The following BCR variants were observed in gnomAD, a reference collection of about 807,000 sequenced individuals.
BCR encodes breakpoint cluster region protein.
Under a neutral mutation model 138.6 loss-of-function variants are expected in BCR, and 58 were observed. That is an observed-to-expected ratio of 0.42 (90% CI 0.34 to 0.52). BCR has a LOEUF of 0.52. BCR is among the 20% of genes least tolerant of loss of function. The pLI, the probability that BCR is intolerant of heterozygous loss-of-function variation, is 0.06. For missense variants in BCR, 1,599 were observed against 1,727.2 expected (o/e 0.93, Z 1.32); for synonymous variants, 786 against 730.1 (o/e 1.08, Z -1.23).
chr22:23,284,321 C>T (rs561585468), intron 9 of BCR, among the ~76,000 whole-genome samples: 3 of 152,164 alleles, frequency 2.0e-5, no homozygotes, highest in East Asian at 1.9e-4. Context: ...GGGGTAAACC[C>T]GACCGTGGCT....
intron 15 of BCR, among the ~76,000 whole-genome samples, chr22:23,294,488 C>T (rs898545550): frequency 1.3e-5 from 2 of 152,178 alleles, no homozygotes; most frequent in Non-Finnish European, 2.9e-5. Flanking sequence ...GCAGCCTCCG[C>T]CTCCCGGATT....
chr22:23,223,375 TG>T (rs2072850507), intron 1 of BCR, among the ~76,000 whole-genome samples: 1 of 152,194 alleles, frequency 6.6e-6, no homozygotes, highest in Non-Finnish European at 1.5e-5. Flanking sequence ...CATGTGCCTG[TG>T]TGTGGCCCAT....
chr22:23,221,964 G>A (rs1363135942), intron 1 of BCR, among the ~76,000 whole-genome samples: 2 of 151,266 alleles, frequency 1.3e-5, no homozygotes, highest in Non-Finnish European at 2.9e-5. Flanking sequence ...GGTGGCAGGC[G>A]CCTGTAATTC....
chr22:23,212,962 G>A (rs924660892), intron 1 of BCR, among the ~76,000 whole-genome samples: 9 of 152,176 alleles, frequency 5.9e-5, no homozygotes, highest in African/African-American at 2.2e-4. Context: ...TTGATTCCTG[G>A]GAGGCTGCCG....
chr22:23,238,481 C>G (rs554475517), intron 1 of BCR, among the ~76,000 whole-genome samples: 74 of 152,074 alleles, frequency 4.9e-4, no homozygotes, highest in Non-Finnish European at 9.4e-4. Context: ...GTTCAGCCCC[C>G]CAGGATACCT....
chr22:23,196,903 C>T (rs901841125), intron 1 of BCR, among the ~76,000 whole-genome samples: 1 of 152,228 alleles, frequency 6.6e-6, no homozygotes, highest in Admixed American at 6.5e-5. Flanking sequence ...AGGCCACGGA[C>T]TGATACCAGT....
intron 1 of BCR, among the ~76,000 whole-genome samples, chr22:23,200,730 T>A (rs111707588): frequency 0.012 from 1,768 of 151,952 alleles, 34 homozygotes; most frequent in African/African-American, 0.041. Flanking sequence ...AGCTAATTTT[T>A]GTATTTTTTT....
intron 8 of BCR, chr22:23,283,173 CAGCCCCTTG>C (rs1323384696): frequency 2.6e-5 from 4 of 152,338 alleles, no homozygotes; most frequent in Non-Finnish European, 5.9e-5. Flanking sequence ...GCCCATTCAG[CAGCCCCTTG>C]AGCAAGAAGG....
rs765337010 is a variant in BCR at position 23,181,778 on chromosome 22, C to A, written c.818C>A (p.Pro273His). ...ANGGSRPPWP[P>H]LEYQPYQSIY... ...GGCGGTAGCAGGCCCCCTTGGCCGC[C>A]CCTGGAGTACCAGCCCTACCAGAGC... Residue 273 changes from proline (P) to histidine (H), a missense_variant, in exon 1 of 23, where the codon CCC (proline) becomes CAC (histidine). Pro to His is a moderately conservative substitution (Grantham distance 77). Around this residue, in one of 4 missense-constraint regions of BCR, gnomAD observed 806 missense variants for 635.0 expected, o/e 1.27. Transcript: ENST00000305877. The A allele has an allele frequency of 2.5e-6, 4 of 1,607,400 alleles. No individual in the cohort carries two copies. The South Asian group carries it at 4.4e-5, about 18-fold the overall frequency.
intron 1 of BCR, among the ~76,000 whole-genome samples, chr22:23,190,030 C>G (rs960231610): frequency 2.0e-5 from 3 of 152,186 alleles, no homozygotes; most frequent in Non-Finnish European, 4.4e-5. Flanking sequence ...TGCCAAAAGT[C>G]CAAGATCAAG....
intron 5 of BCR, among the ~76,000 whole-genome samples, chr22:23,270,729 T>G (rs2073500707): frequency 6.6e-6 from 1 of 152,252 alleles, no homozygotes; most frequent in Non-Finnish European, 1.5e-5. Context: ...ATGCTTTTGT[T>G]CAGAAGCTTA....
rs114564269 is a variant in BCR at position 23,287,797 on chromosome 22, G to A, written c.2527-300G>A. 9.8e-3 allele frequency among the ~76,000 whole-genome samples: 1,488 copies of A among 152,304 alleles called. 28 individuals carry two copies. Among genetic ancestry groups the A allele is most frequent in the African/African-American group, 0.034 (1,413 of 41,550 alleles). ...TGCAGGAGGTCAGGTCTGGATCAAC[G>A]TTCACCTCTGCAGATCCCACCTGGT... On this transcript the variant is annotated intron_variant, in intron 11 of 22. Transcript: ENST00000305877.
rs146511454 is a variant in BCR, at chr22:23,297,398, C to T, written c.3012+2243C>T. Among the ~76,000 whole-genome samples the T allele has an allele frequency of 2.7e-3, 406 of 151,948 alleles. 2 individuals are homozygous for T. The highest frequency in any genetic ancestry group is 4.2e-3 in the Admixed American group (64 of 15,260). Reference sequence around the variant, plus strand: ...GCCTGGCCACATGTGCTTTCCCATTCGGTCCTTGCAGCAGATCTTTGAGAG... The same window carrying T: ...GCCTGGCCACATGTGCTTTCCCATTTGGTCCTTGCAGCAGATCTTTGAGAG... On this transcript the variant is annotated intron_variant, in intron 16 of 22. Coordinates refer to ENST00000305877, the MANE Select transcript of BCR (RefSeq NM_004327.4).
chr22:23,265,997 G>C (rs1433187087), intron 4 of BCR, among the ~76,000 whole-genome samples: 1 of 152,040 alleles, frequency 6.6e-6, no homozygotes, highest in African/African-American at 2.4e-5. Flanking sequence ...TTAAGATCAT[G>C]TTATGTACTT....
intron 2 of BCR, among the ~76,000 whole-genome samples, chr22:23,260,269 A>G (rs2073342064): frequency 6.6e-6 from 1 of 152,212 alleles, no homozygotes; most frequent in Admixed American, 6.5e-5. Context: ...GCTAATGAGA[A>G]GGGGGGACTT....
chr22:23,284,924 G>A (rs2146300759), intron 9 of BCR, 109 bp from the exon 10 acceptor site: 1 of 1,285,896 alleles, frequency 7.8e-7, no homozygotes, highest in African/African-American at 1.5e-5. Context: ...TTTTAGGTCA[G>A]GTAAACCATG....
intron 1 of BCR, among the ~76,000 whole-genome samples, chr22:23,196,608 G>C (rs1000264369): frequency 6.6e-6 from 1 of 152,162 alleles, no homozygotes; most frequent in Non-Finnish European, 1.5e-5. Flanking sequence ...TTTCATGGAA[G>C]AAATTTTTCC....
chr22:23,314,452 G>A (rs1327396049), intron 21 of BCR, 100 bp from the exon 22 acceptor site: 15 of 1,373,502 alleles, frequency 1.1e-5, no homozygotes, highest in Admixed American at 5.7e-5. Flanking sequence ...AGCCAGGGTC[G>A]AGGTCACTCC....
At chr22:23,285,863 C>T (rs1602104812) in intron 10 of BCR, among the ~76,000 whole-genome samples, 2 of 152,332 alleles carry the variant, frequency 1.3e-5, no homozygotes, top group East Asian at 3.9e-4. Context: ...GGTGTGATCA[C>T]TTTAAGTTCA....
Sources: allele counts gnomAD v4.1 joint callset (sites outside exome capture counted in the v4.1 genomes callset), GRCh38; gene constraint gnomAD v4.1.1; regional missense constraint gnomAD v4.1.1; transcripts MANE v1.5; gene names NCBI Gene and HGNC (gene_info 2026-07-23, HGNC 2026-07-21).